Variants in KRTCAP3 observed in about 807,000 individuals in gnomAD.
KRTCAP3 encodes keratinocyte-associated protein 3.
In KRTCAP3, 18 loss-of-function variants were observed where a neutral mutation model predicts 20.5. That is an observed-to-expected ratio of 0.88 (90% CI 0.61 to 1.31). The LOEUF (loss-of-function observed/expected upper bound fraction) is 1.31, where lower values mean the gene tolerates loss of function less well. KRTCAP3 is among the 50% of genes most tolerant of loss of function. The probability of loss-of-function intolerance (pLI) is 0.00; values close to 1 mark genes in which losing one functional copy is unlikely to be tolerated. For missense variants in KRTCAP3, 347 were observed against 310.4 expected (o/e 1.12, Z -0.89); for synonymous variants, 167 against 133.7 (o/e 1.25, Z -1.72).
chr2:27,443,021 TG>T, intron 3 of KRTCAP3, 52 bp from the exon 4 acceptor site: 1 of 1,576,616 alleles, frequency 6.3e-7, no homozygotes, highest in Non-Finnish European at 8.7e-7. Context: ...GTCTAGTCAC[TG>T]GGAGAGTTAG....
chr2:27,443,453 C>T lies in KRTCAP3; in HGVS notation c.536C>T (p.Ala179Val). Reference sequence around the variant, plus strand: ...TTGCTCATGTCTGCAGGGGAGGCTGCTCTATCTGGTTACTGCTGTGTGGCT... The same window carrying T: ...TTGCTCATGTCTGCAGGGGAGGCTGTTCTATCTGGTTACTGCTGTGTGGCT... ...PSLLMSAGEA[A>V]LSGYCCVAAL... The change falls in exon 5 of 7, where the codon GCT (alanine) becomes GTT (valine). Residue 179 changes from alanine to valine, a missense_variant. By Grantham distance (64) the Ala-to-Val change is moderately conservative. Coordinates refer to ENST00000288873, the MANE Select transcript of KRTCAP3 (RefSeq NM_173853.4). 3 of 1,614,140 alleles carry T rather than the reference C, an allele frequency of 1.9e-6. No individual in the cohort carries two copies. The highest frequency in any genetic ancestry group is 2.5e-6 in the Non-Finnish European group (3 of 1,180,022).
At chr2:27,445,978 C>T, downstream of KRTCAP3, 4 of 1,614,232 alleles carry the variant, frequency 2.5e-6, no homozygotes, top group Non-Finnish European at 2.5e-6. The surrounding 1 kb of genome is among the most constrained non-coding windows in gnomAD (Gnocchi z 4.4). Flanking sequence ...CATGTTATCC[C>T]AGCCAACTGC....
At chr2:27,444,097 C>T (rs567002799) in intron 6 of KRTCAP3, 36 bp downstream of exon 6, 16 of 1,233,852 alleles carry the variant, frequency 1.3e-5, no homozygotes, top group African/African-American at 3.0e-5. Flanking sequence ...CGGGTAAGAG[C>T]GGGGACAAGG....
downstream of KRTCAP3, among the ~76,000 whole-genome samples, chr2:27,444,836 C>T (rs565409936): frequency 1.5e-3 from 231 of 152,180 alleles, no homozygotes; most frequent in Non-Finnish European, 2.8e-3. Flanking sequence ...TTAGTAGAGA[C>T]GAGGTTTTAA....
rs771136044 is a variant in KRTCAP3 at position 27,442,629 on chromosome 2, T to G, written c.79T>G (p.Leu27Val). 6.4e-6 allele frequency: 10 copies of G among 1,572,098 alleles called. No individual in the cohort carries two copies. The highest frequency in any genetic ancestry group is 1.7e-4 in the Middle Eastern group (1 of 5,848). Reference sequence around the variant, plus strand: ...GATGCGTGTGGGCCTCGCGCTGATCTTGGTGGGCCACGTGAACCTGCTGCT... The same window carrying G: ...GATGCGTGTGGGCCTCGCGCTGATCGTGGTGGGCCACGTGAACCTGCTGCT... ...RLMRVGLALILVGHVNLLLGA... is the reference protein window; with the variant it reads ...RLMRVGLALIVVGHVNLLLGA... The change falls in exon 2 of 7, where the codon TTG (leucine) becomes GTG (valine). Residue 27 changes from leucine to valine, a missense_variant. Physicochemically the swap from Leu to Val is conservative, Grantham distance 32 (BLOSUM62 1). Coordinates refer to ENST00000288873, the MANE Select transcript of KRTCAP3 (RefSeq NM_173853.4).
chr2:27,445,484 C>T (rs1487788372), downstream of KRTCAP3: 3 of 1,588,742 alleles, frequency 1.9e-6, no homozygotes, highest in South Asian at 1.1e-5. This position sits in a 1 kb window ranked among gnomAD's most constrained non-coding sequence, Gnocchi z 4.4. Context: ...TAGCTTCACA[C>T]AGGGCAGGGC....
chr2:27,442,734 A>G lies in KRTCAP3; in HGVS notation c.184A>G (p.Asn62Asp). 6.2e-7 allele frequency: 1 copy of G among 1,606,830 alleles called. No homozygotes were observed. Among genetic ancestry groups the G allele is most frequent in the Non-Finnish European group, 8.5e-7 (1 of 1,176,224 alleles). Residue 62 changes from asparagine to aspartate, a missense_variant, in exon 2 of 7, where the codon AAT (asparagine) becomes GAT (aspartate). Asn to Asp is a conservative substitution (Grantham distance 23). Transcript: ENST00000288873. ...TGTCACGCCGGAGTACACCGTAGCC[A>G]ATGTCATCTCTGTCGGCTCGGGGCT... ...GAVTPEYTVANVISVGSGLLS... is the reference protein window; with the variant it reads ...GAVTPEYTVADVISVGSGLLS...
At chr2:27,445,590 G>A (rs1558349343), downstream of KRTCAP3, 6 of 1,273,590 alleles carry the variant, frequency 4.7e-6, no homozygotes, top group South Asian at 5.9e-5. The surrounding 1 kb of genome is among the most constrained non-coding windows in gnomAD (Gnocchi z 4.4). Context: ...ATTGGGGGAT[G>A]CAGTCACAGC....
chr2:27,442,995 C>G, intron 3 of KRTCAP3, 79 bp from the exon 4 acceptor site: 1 of 1,569,254 alleles, frequency 6.4e-7, no homozygotes, highest in Non-Finnish European at 8.8e-7. Flanking sequence ...TTGGAGGAGC[C>G]TCAGAGAAAC....
chr2:27,444,644 A>T, downstream of KRTCAP3: 1 of 709,814 alleles, frequency 1.4e-6, no homozygotes, highest in Admixed American at 2.6e-5. Context: ...TCTAGTGTGT[A>T]TGTGGGTTTT....
rs760764199 is a variant in KRTCAP3 at position 27,443,203 on chromosome 2, G to A, written c.403G>A (p.Gly135Arg). The change falls in exon 4 of 7, where the codon GGA (glycine) becomes AGA (arginine). Residue 135 changes from glycine (G) to arginine (R), a missense_variant. Gly to Arg is a moderately radical substitution (Grantham distance 125). Transcript: ENST00000288873. ...GRRLIADCHP[G>R]LLDPLVPLDE... ...CCGCCTTATTGCTGACTGCCACCCAGGACTGCTGGATCCTCTGGTACCACT... is the reference window on the plus strand; with the variant it reads ...CCGCCTTATTGCTGACTGCCACCCAAGACTGCTGGATCCTCTGGTACCACT... The A allele has an allele frequency of 1.9e-6, 3 of 1,614,128 alleles. No homozygotes were observed. Among genetic ancestry groups the A allele is most frequent in the Non-Finnish European group, 2.5e-6 (3 of 1,180,008 alleles).
Position 27,443,259 on chromosome 2 carries a change from C to T in KRTCAP3, c.459C>T (p.Pro153=), listed in dbSNP as rs1452671445. Residue 153 remains proline, a synonymous_variant, in exon 4 of 7, where the codon CCC becomes CCT. Coordinates refer to ENST00000288873, the MANE Select transcript of KRTCAP3 (RefSeq NM_173853.4). ...AGGGGCCGGGACATACTGACTGCCCCTTTGACCCCACAAGAATCTATGTGA... is the reference window on the plus strand; with the variant it reads ...AGGGGCCGGGACATACTGACTGCCCTTTTGACCCCACAAGAATCTATGTGA... ...LDEGPGHTDC[P]FDPTRIYDTA... The T allele has an allele frequency of 1.9e-6, 3 of 1,614,078 alleles. No homozygotes were observed. Among genetic ancestry groups the T allele is most frequent in the Admixed American group, 1.7e-5 (1 of 60,006 alleles).
intron 5 of KRTCAP3, 73 bp downstream of exon 5, chr2:27,443,605 G>A: frequency 6.5e-7 from 1 of 1,545,494 alleles, no homozygotes; most frequent in South Asian, 1.2e-5. Flanking sequence ...CCGGCCGGGT[G>A]CGGAGGCTCA....
In KRTCAP3 at chr2:27,443,534, TAAGG is replaced by T; in HGVS notation, c.615+7_615+10del. 6.2e-7 allele frequency: 1 copy of T among 1,613,860 alleles called. No individual in the cohort carries two copies. The highest frequency in any genetic ancestry group is 1.6e-4 in the Middle Eastern group (1 of 6,062). On this transcript the variant is annotated splice_donor_5th_base_variant and intron_variant, in intron 5 of 6. Coordinates refer to ENST00000288873, the MANE Select transcript of KRTCAP3 (RefSeq NM_173853.4). Reference sequence around the variant, plus strand: ...AGGAAGGACGGACTTCAGGGGCAGGTAAGGAAGGCAAACAGGAAGGGTTCATTCC... The same window carrying T: ...AGGAAGGACGGACTTCAGGGGCAGGTAAGGCAAACAGGAAGGGTTCATTCC...
chr2:27,446,441 T>A, downstream of KRTCAP3: 1 of 1,146,578 alleles, frequency 8.7e-7, no homozygotes, highest in Non-Finnish European at 1.3e-6. Flanking sequence ...GCCACAGAAC[T>A]AAAAAACAAC....
At chr2:27,445,548 T>A, downstream of KRTCAP3, 1 of 1,399,198 alleles carries the variant, frequency 7.1e-7, no homozygotes, top group Non-Finnish European at 9.7e-7. The surrounding 1 kb of genome is among the most constrained non-coding windows in gnomAD (Gnocchi z 4.4). Flanking sequence ...CCTCATCCTG[T>A]ATACCAGCTT....
chr2:27,443,008 G>A, intron 3 of KRTCAP3, 66 bp from the exon 4 acceptor site: 2 of 1,569,370 alleles, frequency 1.3e-6, no homozygotes, highest in Non-Finnish European at 1.8e-6. Flanking sequence ...AGAGAAACTG[G>A]GTGTCTAGTC....
At chr2:27,444,430 A>T (rs4803), downstream of KRTCAP3, 1 of 1,600,878 alleles carries the variant, frequency 6.2e-7, no homozygotes, top group Non-Finnish European at 8.6e-7. Flanking sequence ...CAGCTCTACC[A>T]ACTACTGAAA....
At chr2:27,445,316 G>A, downstream of KRTCAP3, 1 of 1,612,922 alleles carries the variant, frequency 6.2e-7, no homozygotes, top group East Asian at 2.2e-5. This position sits in a 1 kb window ranked among gnomAD's most constrained non-coding sequence, Gnocchi z 4.4. Flanking sequence ...GCAGGGCAGG[G>A]CTCGAACACC....
Sources: allele counts gnomAD v4.1 joint callset (sites outside exome capture counted in the v4.1 genomes callset), GRCh38; gene constraint gnomAD v4.1.1; non-coding constraint Gnocchi (gnomAD v3.1); transcripts MANE v1.5; gene names NCBI Gene and HGNC (gene_info 2026-07-23, HGNC 2026-07-21).